Variants in PHACTR2 observed in about 807,000 individuals in gnomAD.
The protein encoded by PHACTR2 is chromosome 6 open reading frame 56.
Under a neutral mutation model 76.0 loss-of-function variants are expected in PHACTR2, and 30 were observed. The ratio of observed to expected loss-of-function variants is 0.39; its 90% CI spans 0.30 to 0.54. PHACTR2 has a LOEUF of 0.54. Ranked by LOEUF, PHACTR2 falls within the 20% of genes least tolerant of loss-of-function variation. The pLI, the probability that PHACTR2 is intolerant of heterozygous loss-of-function variation, is 0.61. For missense variants in PHACTR2, 696 were observed against 781.1 expected, an observed-to-expected ratio of 0.89 and a Z score of 1.30; for synonymous variants, 292 against 292.5, an observed-to-expected ratio of 1.00 and a Z score of 0.02.
At chr6:143,668,973 T>C (rs1463824759) in intron 1 of PHACTR2, among the ~76,000 whole-genome samples, 2 of 152,208 alleles carry the variant, frequency 1.3e-5, no homozygotes, top group Non-Finnish European at 2.9e-5. Flanking sequence ...AGGGTGTCGA[T>C]TTTAGATCTT....
At chr6:143,607,459 TAGTC>T (rs1017585344), upstream of PHACTR2, among the ~76,000 whole-genome samples, 9 of 152,340 alleles carry the variant, frequency 5.9e-5, no homozygotes, top group African/African-American at 1.7e-4. Flanking sequence ...CTTCCTGTGT[TAGTC>T]AGTCTTTCCT....
Position 143,755,313 on chromosome 6 carries a change from A to G in PHACTR2, c.454+1401A>G, listed in dbSNP as rs1779274302. 2.2e-6 allele frequency: 1 copy of G among 455,932 alleles called. No individual in the cohort carries two copies. Among genetic ancestry groups the G allele is most frequent in the Non-Finnish European group, 4.4e-6 (1 of 226,796 alleles). 28.2% of individuals were successfully genotyped at this position (455,932 alleles called of 1,614,324 possible). ...CTGTCCTGTCTCGCCAGACTGTTGA[A>G]TTTCAAATCCATCTGTGGTTTGTCC... is the stretch of plus-strand genomic sequence containing the variant. On this transcript the variant is annotated intron_variant, in intron 4 of 12. Transcript: ENST00000440869. This position sits in a 1 kb window ranked among gnomAD's most constrained non-coding sequence, Gnocchi z 5.2.
rs1361297826 is a variant in PHACTR2 at position 143,556,823 on chromosome 6, T to G, written c.217+19616T>G. Among the ~76,000 whole-genome samples the G allele has an allele frequency of 6.6e-6, 1 of 152,204 alleles. No individual in the cohort carries two copies. Among genetic ancestry groups the G allele is most frequent in the Non-Finnish European group, 1.5e-5 (1 of 68,026 alleles). ...CCAATTGCTGCCATTTAGAAAAGCA[T>G]GCTTTTAAAGTGTGTCATTTAAGAG... On this transcript the variant is annotated intron_variant, in intron 1 of 11. Transcript: ENST00000367584. This position sits in a 1 kb window ranked among gnomAD's most constrained non-coding sequence, Gnocchi z 4.3.
intron 7 of PHACTR2, among the ~76,000 whole-genome samples, chr6:143,773,572 A>C (rs1322624588): frequency 6.6e-6 from 1 of 151,564 alleles, no homozygotes; most frequent in African/African-American, 2.4e-5. Flanking sequence ...GGTGTTACTT[A>C]TCATTTGTTG....
intron 2 of PHACTR2, among the ~76,000 whole-genome samples, chr6:143,729,687 A>G (rs1778658445): frequency 6.6e-6 from 1 of 152,168 alleles, no homozygotes; most frequent in African/African-American, 2.4e-5. Flanking sequence ...TCTTTTGTCC[A>G]ATTTTTACTG....
chr6:143,748,701 T>C (rs1779121709), intron 2 of PHACTR2, among the ~76,000 whole-genome samples: 1 of 152,256 alleles, frequency 6.6e-6, no homozygotes, highest in Non-Finnish European at 1.5e-5. Context: ...GCAGGCTTTA[T>C]GCTCTCTAGT....
rs1039066316 is a variant in PHACTR2, at chr6:143,571,571, G to T, written c.217+34364G>T. ...CTACAGGTGTGCACTGCCACACCTG[G>T]TTAATTTTTTTTAAAATTTTTTTAT... On this transcript the variant is annotated intron_variant, in intron 1 of 11. Transcript: ENST00000367584. The surrounding 1 kb of genome is among the most constrained non-coding windows in gnomAD (Gnocchi z 4.6). 2.0e-4 allele frequency among the ~76,000 whole-genome samples: 30 copies of T among 151,824 alleles called. No homozygotes were observed. The highest frequency in any genetic ancestry group is 1.8e-4 in the Non-Finnish European group (12 of 67,998).
At position 143,656,126 on chromosome 6, in the gene PHACTR2, C is replaced by A. The variant is rs555454163; in HGVS notation, c.13+47804C>A. ...ACACTCATTGACTTTCTTCTCCAAG[C>A]CAAACTGCAGAGGAAATAACAGGCG... On this transcript the variant is annotated intron_variant, in intron 1 of 11. Coordinates refer to the PHACTR2 transcript ENST00000305766. This position sits in a 1 kb window ranked among gnomAD's most constrained non-coding sequence, Gnocchi z 5.3. Among the ~76,000 whole-genome samples the A allele has an allele frequency of 1.4e-3, 208 of 152,232 alleles. 1 individual carries two copies. The highest frequency in any genetic ancestry group is 4.9e-3 in the African/African-American group (202 of 41,530).
rs1775198125 is a variant in PHACTR2 at position 143,557,682 on chromosome 6, GAGTCCT to G, written c.217+20478_217+20483del. 1 of 152,130 alleles carries G rather than the reference GAGTCCT, an allele frequency of 6.6e-6. No homozygotes were observed. The highest frequency in any genetic ancestry group is 2.1e-4 in the South Asian group (1 of 4,812). 9.4% of individuals were successfully genotyped at this position (152,130 alleles called of 1,614,324 possible). A position where few individuals can be genotyped will look rare whatever the true frequency, so the allele number is the denominator to read the frequency against. On this transcript the variant is annotated intron_variant, in intron 1 of 11. Transcript: ENST00000367584. The surrounding 1 kb of genome is among the most constrained non-coding windows in gnomAD (Gnocchi z 5.5). ...TTCTTTCTCCGTAAGGTCTTGTCGC[GAGTCCT>G]AGAGGCAACCAGTTCCTTGCGTACC...
rs958526459 is a variant in PHACTR2, at chr6:143,764,683, C to T, written c.695-578C>T. Among the ~76,000 whole-genome samples the T allele has an allele frequency of 2.6e-5, 4 of 152,090 alleles. No homozygotes were observed. The highest frequency in any genetic ancestry group is 7.2e-5 in the African/African-American group (3 of 41,408). On this transcript the variant is annotated intron_variant, in intron 5 of 12. Coordinates refer to ENST00000440869, the MANE Select transcript of PHACTR2 (RefSeq NM_001100164.2). The surrounding 1 kb of genome is among the most constrained non-coding windows in gnomAD (Gnocchi z 4.7). The stretch of plus-strand genomic sequence containing the variant: ...CAGATGGAAGTAGAGTCCAGCATGG[C>T]GAGCTTTCTTCTCTGGAGCTACTGG...
intron 1 of PHACTR2, among the ~76,000 whole-genome samples, chr6:143,640,352 A>G (rs927716325): frequency 2.0e-5 from 3 of 152,226 alleles, no homozygotes; most frequent in Non-Finnish European, 4.4e-5. Flanking sequence ...AAGAAGACAC[A>G]AAAGATGGAT....
chr6:143,613,959 A>C (rs1420731853), intron 1 of PHACTR2, among the ~76,000 whole-genome samples: 3 of 152,196 alleles, frequency 2.0e-5, no homozygotes, highest in Non-Finnish European at 4.4e-5. Context: ...GTGGTGGCTC[A>C]CATCTGTGAT....
intron 1 of PHACTR2, among the ~76,000 whole-genome samples, chr6:143,667,814 T>C (rs1162507999): frequency 6.6e-6 from 1 of 152,256 alleles, no homozygotes; most frequent in Non-Finnish European, 1.5e-5. Flanking sequence ...AATCAAATCA[T>C]GTCATCTACA....
chr6:143,707,844 C>T (rs1270114844), intron 1 of PHACTR2, among the ~76,000 whole-genome samples: 1 of 152,164 alleles, frequency 6.6e-6, no homozygotes, highest in East Asian at 1.9e-4. Flanking sequence ...GGGAAGATCT[C>T]AGGAAACTTA....
In PHACTR2 at chr6:143,748,851, T is replaced by G. The variant is rs1010926493; in HGVS notation, c.215-134T>G. The stretch of plus-strand genomic sequence containing the variant: ...TTGATTCCACTCAGATCATGTGTTT[T>G]TTTTAAGCAACTAAGAAAACGAGTT... On this transcript the variant is annotated intron_variant, in intron 2 of 12. Coordinates refer to ENST00000440869, the MANE Select transcript of PHACTR2 (RefSeq NM_001100164.2). 1.0e-4 allele frequency: 59 copies of G among 564,888 alleles called. No individual in the cohort carries two copies. In the African/African-American group the frequency reaches 1.1e-3, roughly 10 times the overall value. 35.0% of individuals were successfully genotyped at this position (564,888 alleles called of 1,614,324 possible). A position where few individuals can be genotyped will look rare whatever the true frequency, so the allele number is the denominator to read the frequency against.
rs9390106 is a variant in PHACTR2 at position 143,571,484 on chromosome 6, G to C, written c.217+34277G>C. Among the ~76,000 whole-genome samples the C allele has an allele frequency of 0.26, 39,863 of 151,860 alleles. 5,241 individuals carry two copies. The highest frequency in any genetic ancestry group is 0.4 in the South Asian group (1,901 of 4,812). ...CAGTGGTGCAATCATAGCTCACTGT[G>C]GCCTCAAAGTCTTGACTGAGCTCAA... is the stretch of plus-strand genomic sequence containing the variant. On this transcript the variant is annotated intron_variant, in intron 1 of 11. Transcript: ENST00000367584. The surrounding 1 kb of genome is among the most constrained non-coding windows in gnomAD (Gnocchi z 4.6).
At chr6:143,721,083 T>G (rs1378816406) in intron 2 of PHACTR2, among the ~76,000 whole-genome samples, 1 of 152,224 alleles carries the variant, frequency 6.6e-6, no homozygotes, top group African/African-American at 2.4e-5. Context: ...TGACCCACCA[T>G]CAAACCAAAA....
intron 2 of PHACTR2, among the ~76,000 whole-genome samples, chr6:143,727,133 G>A (rs529154455): frequency 1.6e-4 from 24 of 152,002 alleles, no homozygotes; most frequent in East Asian, 1.2e-3. Flanking sequence ...CCAGCCTCTC[G>A]TAACTGTCAT....
At position 143,663,174 on chromosome 6, in the gene PHACTR2, C is replaced by T. The variant is rs192119955; in HGVS notation, c.14-48842C>T. Among the ~76,000 whole-genome samples the T allele has an allele frequency of 1.1e-4, 17 of 152,226 alleles. 1 individual carries two copies. The highest frequency in any genetic ancestry group is 1.3e-4 in the Admixed American group (2 of 15,274). On this transcript the variant is annotated intron_variant, in intron 1 of 11. Transcript: ENST00000305766. The surrounding 1 kb of genome is among the most constrained non-coding windows in gnomAD (Gnocchi z 4.1). ...TGTGAATAGCACAGTGATGAACGTA[C>T]GAGTGCATGTGTCTTTTTGCTATAG...
Sources: gnomAD v4.1 joint callset for allele counts (sites outside exome capture counted in the v4.1 genomes callset) on GRCh38, gnomAD v4.1.1 for gene constraint, Gnocchi (gnomAD v3.1) non-coding constraint, MANE v1.5 for transcripts, NCBI Gene and HGNC (gene_info 2026-07-23, HGNC 2026-07-21) for gene names.